Variants in CDH12 observed in about 807,000 individuals in gnomAD.
The protein encoded by CDH12 is cadherin-12.
Under a neutral mutation model 74.1 loss-of-function variants are expected in CDH12, and 41 were observed. The observed-to-expected ratio is 0.55, with a 90% CI of 0.43 to 0.72. CDH12 has a LOEUF of 0.72. Among genes scored for constraint, CDH12 ranks in the 30% least tolerant of loss-of-function variants. The pLI is 0.00. For synonymous variants in CDH12, 399 were observed against 355.0 expected (o/e 1.12, Z -1.39); for missense variants, 945 against 977.2 (o/e 0.97, Z 0.44).
intron 1 of CDH12, among the ~76,000 whole-genome samples, chr5:22,816,796 G>C (rs117964929): frequency 6.6e-6 from 1 of 152,074 alleles, no homozygotes; most frequent in Non-Finnish European, 1.5e-5. Flanking sequence ...AAATTTCTGT[G>C]TGTCTATCCA....
chr5:22,416,135 C>T (rs1172545620), intron 2 of CDH12, among the ~76,000 whole-genome samples: 2 of 121,382 alleles, frequency 1.6e-5, no homozygotes, highest in Non-Finnish European at 1.6e-5. Flanking sequence ...AGTGCAGTGG[C>T]GCAATCTCGG....
Position 22,750,555 on chromosome 5 carries a change from G to C in CDH12, c.-523+102503C>G, listed in dbSNP as rs369966811. 1.2e-4 allele frequency among the ~76,000 whole-genome samples: 19 copies of C among 152,184 alleles called. No homozygotes were observed. The East Asian group carries it at 1.7e-3, about 14-fold the overall frequency. On this transcript the variant is annotated intron_variant, in intron 1 of 14. Coordinates refer to ENST00000382254, the MANE Select transcript of CDH12 (RefSeq NM_004061.5). Reference sequence around the variant, plus strand: ...TACAAGGTGTGAGATATGGTACTGGGGATATCAAGAAGAGCCAAAACCCAG... The same window carrying C: ...TACAAGGTGTGAGATATGGTACTGGCGATATCAAGAAGAGCCAAAACCCAG...
In CDH12 at chr5:22,660,242, A is replaced by G. The variant is rs144128008; in HGVS notation, c.-522-154878T>C. Among the ~76,000 whole-genome samples the G allele has an allele frequency of 2.5e-3, 375 of 152,296 alleles. 1 individual carries two copies. The highest frequency in any genetic ancestry group is 4.8e-3 in the South Asian group (23 of 4,830). ...GAAACCCAAAACACACTCAAAATAT[A>G]TTCTGGGAATTTTCTCTATTTCAAG... On this transcript the variant is annotated intron_variant, in intron 1 of 14. Transcript: ENST00000382254.
intron 4 of CDH12, among the ~76,000 whole-genome samples, chr5:22,087,296 C>T (rs1315735922): frequency 6.6e-6 from 1 of 152,100 alleles, no homozygotes; most frequent in Non-Finnish European, 1.5e-5. Context: ...AAGGTACAAT[C>T]TACTTTCTGT....
chr5:22,570,988 T>C (rs1483625410), intron 1 of CDH12, among the ~76,000 whole-genome samples: 2 of 152,340 alleles, frequency 1.3e-5, no homozygotes, highest in South Asian at 2.1e-4. Context: ...CTTATTTTCT[T>C]AAACTTTGTA....
In CDH12 at chr5:22,200,398, C is replaced by T. The variant is rs540721230; in HGVS notation, c.-187+12100G>A. Among the ~76,000 whole-genome samples the T allele has an allele frequency of 3.0e-4, 45 of 152,144 alleles. No homozygotes were observed. The East Asian group carries it at 7.0e-3, about 24-fold the overall frequency. Reference sequence around the variant, plus strand: ...GAGTGGTGCTTTTGAAGAAAATTGACGTGTGAGTTAAAATATGCATGTTCA... The same window carrying T: ...GAGTGGTGCTTTTGAAGAAAATTGATGTGTGAGTTAAAATATGCATGTTCA... On this transcript the variant is annotated intron_variant, in intron 4 of 14. Coordinates refer to ENST00000382254, the MANE Select transcript of CDH12 (RefSeq NM_004061.5).
At chr5:21,764,787 G>T (rs7722501) in intron 12 of CDH12, among the ~76,000 whole-genome samples, 191 bp downstream of exon 12, 1 of 151,956 alleles carries the variant, frequency 6.6e-6, no homozygotes, top group African/African-American at 2.4e-5. Context: ...TCATCTGTGC[G>T]GTATCACCTC....
chr5:22,054,614 A>G (rs1245122539), intron 5 of CDH12, among the ~76,000 whole-genome samples: 1 of 152,054 alleles, frequency 6.6e-6, no homozygotes, highest in Admixed American at 6.6e-5. Context: ...TGACTGTTAA[A>G]ATTAGATTTT....
intron 1 of CDH12, among the ~76,000 whole-genome samples, chr5:22,567,171 G>C (rs1220700494): frequency 6.6e-6 from 1 of 152,072 alleles, no homozygotes; most frequent in Admixed American, 6.6e-5. Flanking sequence ...ACGCATCAAA[G>C]TAACTTCCTG....
intron 1 of CDH12, among the ~76,000 whole-genome samples, chr5:22,722,601 T>C (rs1267834412): frequency 6.6e-6 from 1 of 152,192 alleles, no homozygotes; most frequent in Non-Finnish European, 1.5e-5. Context: ...TCAAGTGATA[T>C]AGATGAATTT....
At chr5:22,100,791 T>C (rs1417593725) in intron 4 of CDH12, among the ~76,000 whole-genome samples, 1 of 152,126 alleles carries the variant, frequency 6.6e-6, no homozygotes, top group Non-Finnish European at 1.5e-5. Context: ...ACCCTGCATG[T>C]TGTGGTCCTC....
At chr5:22,319,747 AT>A (rs745686912) in intron 3 of CDH12, among the ~76,000 whole-genome samples, 3 of 152,160 alleles carry the variant, frequency 2.0e-5, no homozygotes, top group Non-Finnish European at 4.4e-5. Flanking sequence ...AGATGAAAAA[AT>A]ATCACCCTTT....
chr5:22,012,062 A>G (rs1474169168), intron 5 of CDH12, among the ~76,000 whole-genome samples: 1 of 152,010 alleles, frequency 6.6e-6, no homozygotes, highest in Non-Finnish European at 1.5e-5. Context: ...AAATTTACAT[A>G]CTCTTATATA....
At chr5:22,591,298 T>C (rs997276065) in intron 1 of CDH12, among the ~76,000 whole-genome samples, 2 of 152,160 alleles carry the variant, frequency 1.3e-5, no homozygotes, top group African/African-American at 4.8e-5. Context: ...TGAGAAAGAG[T>C]AACCTTGCAC....
chr5:22,075,841 C>G (rs1425250727), intron 5 of CDH12, among the ~76,000 whole-genome samples: 1 of 152,022 alleles, frequency 6.6e-6, no homozygotes. Context: ...TGCATTAGCC[C>G]TTTTCCTTTG....
chr5:22,098,992 AAG>A (rs1743974578), intron 4 of CDH12, among the ~76,000 whole-genome samples: 2 of 152,022 alleles, frequency 1.3e-5, no homozygotes, highest in African/African-American at 4.8e-5. Context: ...ACTACTCCTC[AAG>A]GATTATTCAG....
chr5:22,801,682 T>TAC (rs1748535184), intron 1 of CDH12, among the ~76,000 whole-genome samples: 2 of 87,208 alleles, frequency 2.3e-5, no homozygotes, highest in Non-Finnish European at 4.1e-5. Context: ...TATATATATA[T>TAC]ATACACTTTG....
chr5:22,417,259 A>G (rs1480037833), intron 2 of CDH12, among the ~76,000 whole-genome samples: 1 of 152,216 alleles, frequency 6.6e-6, no homozygotes, highest in Non-Finnish European at 1.5e-5. Context: ...CTAAAGTTCA[A>G]GTATCTGAAG....
intron 1 of CDH12, among the ~76,000 whole-genome samples, chr5:22,813,991 G>GA (rs1455710964): frequency 6.6e-6 from 1 of 152,068 alleles, no homozygotes; most frequent in Non-Finnish European, 1.5e-5. Flanking sequence ...ACTGCTAAGG[G>GA]AAAATAGGCA....
Sources: allele counts gnomAD v4.1 joint callset (sites outside exome capture counted in the v4.1 genomes callset), GRCh38; gene constraint gnomAD v4.1.1; transcripts MANE v1.5; gene names NCBI Gene and HGNC (gene_info 2026-07-23, HGNC 2026-07-21).